The following ADAR variants were observed in gnomAD, a reference collection of about 807,000 sequenced individuals.
ADAR encodes the protein double-stranded RNA-specific adenosine deaminase.
Under a neutral mutation model 113.2 loss-of-function variants are expected in ADAR, and 41 were observed. The observed-to-expected ratio is 0.36, with a 90% confidence interval of 0.28 to 0.47. The LOEUF is 0.47. ADAR is among the 20% of genes least tolerant of loss of function. The pLI, the probability that ADAR is intolerant of heterozygous loss-of-function variation, is 1.00. For synonymous variants in ADAR, 605 were observed against 572.6 expected (o/e 1.06, Z -0.81); for missense variants, 1,242 against 1,540.9 (o/e 0.81, Z 3.25).
At chr1:154,587,783 G>A (rs546922878) in intron 11 of ADAR, among the ~76,000 whole-genome samples, 1 of 152,076 alleles carries the variant, frequency 6.6e-6, no homozygotes, top group Non-Finnish European at 1.5e-5. Flanking sequence ...TTTCCTCCCC[G>A]CTTTCTTGAG....
At chr1:154,587,479 G>T (rs767551063) in intron 11 of ADAR, among the ~76,000 whole-genome samples, 8 of 152,252 alleles carry the variant, frequency 5.3e-5, no homozygotes, top group Non-Finnish European at 1.0e-4. Flanking sequence ...TTTCCGTGTG[G>T]ACACAGATCT....
In ADAR at chr1:154,618,572, G is replaced by T. The variant is rs1258785628; in HGVS notation, c.-871+9283C>A. Among the ~76,000 whole-genome samples, 5 of 152,294 alleles carry T rather than the reference G, an allele frequency of 3.3e-5. No homozygotes were observed. The East Asian group carries it at 9.6e-4, about 29-fold the overall frequency. The stretch of plus-strand genomic sequence containing the variant: ...AAGGCAGCACTGGTATAAAGCAAGG[G>T]TAGAGCTTCAGACTAACAGAAAAGA... On this transcript the variant is annotated intron_variant, in intron 1 of 14. Coordinates refer to the ADAR transcript ENST00000368471.
chr1:154,597,920 G>A lies in ADAR; in HGVS notation c.1842C>T (p.Ser614=). The part of the protein sequence containing the change: ...PSATSFFSGK[S]PVTTLLECMH... ...TACACTCAAGCAGTGTGGTGACGGG[G>A]CTCTTCCCAGAAAAGAAGGATGTGG... The change falls in exon 4 of 15, where the codon AGC becomes AGT. Residue 614 remains serine, a synonymous_variant. Coordinates refer to ENST00000368474, the MANE Select transcript of ADAR (RefSeq NM_001111.5). 6.2e-7 allele frequency: 1 copy of A among 1,614,156 alleles called. No homozygotes were observed. The highest frequency in any genetic ancestry group is 8.5e-7 in the Non-Finnish European group (1 of 1,180,016).
Position 154,608,082 on chromosome 1 carries a change from C to A in ADAR, c.-76G>T. 1 of 1,479,610 alleles carries A rather than the reference C, an allele frequency of 6.8e-7. No homozygotes were observed. Among genetic ancestry groups the A allele is most frequent in the Non-Finnish European group, 8.9e-7 (1 of 1,117,506 alleles). The allele number at this position is 1,479,610 out of a possible 1,614,324, so 91.7% of individuals were successfully genotyped here. ...CCCGACCGCTGGGCCGCGCCAGCCCCTCGAGGCCCCCACGCCTCCGCTACT... is the reference window on the plus strand; with the variant it reads ...CCCGACCGCTGGGCCGCGCCAGCCCATCGAGGCCCCCACGCCTCCGCTACT... On this transcript the variant is annotated 5_prime_UTR_variant, in exon 1 of 15. It adds an upstream start codon to the 5' untranslated region. Transcript: ENST00000368474.
chr1:154,589,491 AT>A, intron 8 of ADAR, 29 bp from the exon 9 acceptor site: 1 of 1,575,460 alleles, frequency 6.3e-7, no homozygotes, highest in Non-Finnish European at 8.7e-7. Flanking sequence ...CAGAAATAGA[AT>A]AATGGAAGGA....
Position 154,601,348 on chromosome 1 carries a change from G to A in ADAR, c.1294C>T (p.Leu432=), listed in dbSNP as rs779255879. Residue 432 remains leucine (L), a synonymous_variant, in exon 2 of 15, where the codon CTG becomes TTG. Transcript: ENST00000368474. This position sits in a 1 kb window ranked among gnomAD's most constrained non-coding sequence, Gnocchi z 4.7. ...CCATTGTAATGAACAGGTGGTTTCA[G>A]TCTTGCTGGTTCTGGTCTGGCCTCT... The part of the protein sequence containing the change: ...RQEARPEPAR[L]KPPVHYNGPS... 5 of 1,614,236 alleles carry A rather than the reference G, an allele frequency of 3.1e-6. No homozygotes were observed. The highest frequency in any genetic ancestry group is 2.2e-5 in the South Asian group (2 of 91,086).
intron 6 of ADAR, among the ~76,000 whole-genome samples, chr1:154,595,671 T>G (rs1557877533): frequency 1.3e-5 from 2 of 151,788 alleles, no homozygotes; most frequent in African/African-American, 4.8e-5. Flanking sequence ...AAAGTAAAAA[T>G]AAAGTAAAAA....
At chr1:154,607,959 C>T (rs1449611938) in intron 1 of ADAR, 33 bp downstream of exon 1, 2 of 1,611,544 alleles carry the variant, frequency 1.2e-6, no homozygotes, top group Non-Finnish European at 8.5e-7. Flanking sequence ...CGAACCCAGA[C>T]GGCGGCGAAG....
In ADAR at chr1:154,590,050, T is replaced by C. The variant is rs182183195; in HGVS notation, c.2497-122A>G. On this transcript the variant is annotated intron_variant, in intron 7 of 14. Transcript: ENST00000368474. ...GTCATCTTTTCCTTCTTACATCTAG[T>C]GTCCCAGTTACTGCTCTCTCGAGGC... 252 of 1,486,778 alleles carry C rather than the reference T, an allele frequency of 1.7e-4. No individual in the cohort carries two copies. In the African/African-American group the frequency reaches 2.9e-3, roughly 17 times the overall value. 92.1% of individuals were successfully genotyped at this position (1,486,778 alleles called of 1,614,324 possible). A position where few individuals can be genotyped will look rare whatever the true frequency, so the allele number is the denominator to read the frequency against.
In ADAR at chr1:154,597,248, C is replaced by G. The variant is rs1697564004; in HGVS notation, c.1954G>C (p.Val652Leu). Residue 652 changes from valine to leucine, a missense_variant, in exon 5 of 15, where the codon GTG becomes CTG. Physicochemically the swap from Val to Leu is conservative, Grantham distance 32. Transcript: ENST00000368474. ...ACACTGGGGAAAGTTTGGGCTCCCA[C>G]TGCAACACAGTATTGGAACCTGACA... ...HEPKFQYCVA[V>L]GAQTFPSVSA... 1 of 1,614,068 alleles carries G rather than the reference C, an allele frequency of 6.2e-7. No individual in the cohort carries two copies. Among genetic ancestry groups the G allele is most frequent in the African/African-American group, 1.3e-5 (1 of 74,916 alleles).
At chr1:154,589,287 A>G in intron 9 of ADAR, 82 bp downstream of exon 9, 1 of 1,082,882 alleles carries the variant, frequency 9.2e-7, no homozygotes, top group South Asian at 1.3e-5. Flanking sequence ...GGGGATTCAG[A>G]GGCCGTGTCA....
chr1:154,596,942 G>A lies in ADAR; in HGVS notation c.2133C>T (p.Asn711=). 1 of 1,614,164 alleles carries A rather than the reference G, an allele frequency of 6.2e-7. No individual in the cohort carries two copies. ...CGAGCTCGCCAATCTTCCTGACCTT[G>A]TTGGGCATCATGGATTCCAAGTTAT... ...SLDNLESMMP[N]KVRKIGELVR... is the part of the protein sequence containing the mutation. The change falls in exon 6 of 15, where the codon AAC becomes AAT. Residue 711 remains asparagine (N), a synonymous_variant. Coordinates refer to ENST00000368474, the MANE Select transcript of ADAR (RefSeq NM_001111.5).
intron 11 of ADAR, among the ~76,000 whole-genome samples, chr1:154,586,698 G>A (rs1410928146): frequency 6.6e-6 from 1 of 152,204 alleles, no homozygotes; most frequent in Non-Finnish European, 1.5e-5. Flanking sequence ...GAGGACCACA[G>A]GGGACACCTC....
intron 1 of ADAR, among the ~76,000 whole-genome samples, chr1:154,622,195 T>C (rs1368680170): frequency 6.6e-6 from 1 of 152,128 alleles, no homozygotes; most frequent in Non-Finnish European, 1.5e-5. Flanking sequence ...CGGCAGAGCG[T>C]GGCTGCGTTT....
chr1:154,590,134 T>TCGGCGG, intron 7 of ADAR, 50 bp downstream of exon 7: 7 of 1,447,040 alleles, frequency 4.8e-6, no homozygotes, highest in Admixed American at 1.7e-5. Context: ...ACTTAGGAGT[T>TCGGCGG]AGGAGGACCC....
At chr1:154,617,819 T>C (rs1212808310) in intron 1 of ADAR, among the ~76,000 whole-genome samples, 2 of 152,068 alleles carry the variant, frequency 1.3e-5, no homozygotes, top group East Asian at 3.8e-4. Flanking sequence ...ATATATTTAA[T>C]ATCTTTTCTA....
chr1:154,612,870 G>A (rs576903431), upstream of ADAR, among the ~76,000 whole-genome samples: 1 of 152,044 alleles, frequency 6.6e-6, no homozygotes, highest in East Asian at 1.9e-4. Context: ...GGAGTGCAGT[G>A]GTGCGATCTC....
At chr1:154,595,268 C>T (rs1697419715) in intron 6 of ADAR, among the ~76,000 whole-genome samples, 1 of 152,184 alleles carries the variant, frequency 6.6e-6, no homozygotes, top group South Asian at 2.1e-4. Context: ...TCAGCGTATA[C>T]TCCTTCTACT....
chr1:154,595,360 G>A (rs1288104691), intron 6 of ADAR, among the ~76,000 whole-genome samples: 1 of 152,208 alleles, frequency 6.6e-6, no homozygotes, highest in Non-Finnish European at 1.5e-5. Context: ...CGGCCCCCAT[G>A]CATGTTATTG....
Sources: gnomAD v4.1 joint callset for allele counts (sites outside exome capture counted in the v4.1 genomes callset) on GRCh38, gnomAD v4.1.1 for gene constraint, Gnocchi (gnomAD v3.1) non-coding constraint, MANE v1.5 for transcripts, NCBI Gene and HGNC (gene_info 2026-07-23, HGNC 2026-07-21) for gene names.